SCARA3: variants seen among roughly 807,000 people sequenced by gnomAD.
The protein encoded by SCARA3 is scavenger receptor class A member 3.
SCARA3 carries 39 observed loss-of-function variants against 47.0 expected under a neutral mutation model. The ratio of observed to expected loss-of-function variants is 0.83; its 90% confidence interval spans 0.64 to 1.08. SCARA3 has a LOEUF of 1.08. SCARA3 is among the 50% of genes least tolerant of loss of function. The probability of loss-of-function intolerance (pLI) is 0.00; values close to 1 mark genes in which losing one functional copy is unlikely to be tolerated. For missense variants in SCARA3, 724 were observed against 792.3 expected, an observed-to-expected ratio of 0.91 and a Z score of 1.04; for synonymous variants, 356 against 334.1, an observed-to-expected ratio of 1.07 and a Z score of -0.71.
chr8:27,728,370 A>G, the SCARA3 span, among the ~76,000 whole-genome samples: 2 of 152,178 alleles, frequency 1.3e-5, no homozygotes, highest in Non-Finnish European at 2.9e-5. Context: ...AGAACCCACA[A>G]ATGGGTGGAA....
At chr8:27,663,701 A>G (rs1445026571) in intron 5 of SCARA3, among the ~76,000 whole-genome samples, 1 of 152,068 alleles carries the variant, frequency 6.6e-6, no homozygotes, top group Non-Finnish European at 1.5e-5. Flanking sequence ...CTGCTTCAAA[A>G]TCCTAAGGGA....
chr8:27,648,942 AAGG>A (rs1456546745), intron 1 of SCARA3, among the ~76,000 whole-genome samples: 6 of 151,494 alleles, frequency 4.0e-5, no homozygotes, highest in Admixed American at 6.6e-5. Flanking sequence ...GAGGTAAGGA[AAGG>A]AGGGAGGAAA....
chr8:27,718,100 G>C, the SCARA3 span, among the ~76,000 whole-genome samples: 1 of 152,198 alleles, frequency 6.6e-6, no homozygotes, highest in African/African-American at 2.4e-5. Context: ...TCTGTTCTCT[G>C]CCAGACTCTG....
rs185132702 is a variant in SCARA3, at chr8:27,667,450, T to G, written c.1370-3450T>G. Among the ~76,000 whole-genome samples, 6 of 152,238 alleles carry G rather than the reference T, an allele frequency of 3.9e-5. No homozygotes were observed. The East Asian group carries it at 1.2e-3, about 29-fold the overall frequency. ...CCTTCCTCCAGGCAGTGCCTAGGATTGCAGCCTCTCCCTCCTCCAGGCAGT... is the reference window on the plus strand; with the variant it reads ...CCTTCCTCCAGGCAGTGCCTAGGATGGCAGCCTCTCCCTCCTCCAGGCAGT... On this transcript the variant is annotated intron_variant, in intron 5 of 5. Transcript: ENST00000301904.
In SCARA3 at chr8:27,671,907, C is replaced by A. The variant is rs1802176212; in HGVS notation, c.*556C>A. 1 of 985,348 alleles carries A rather than the reference C, an allele frequency of 1.0e-6. No individual in the cohort carries two copies. The highest frequency in any genetic ancestry group is 6.1e-5 in the Admixed American group (1 of 16,272). The allele number at this position is 985,348 out of a possible 1,614,324, so 61.0% of individuals were successfully genotyped here. ...GGAGGAGAGGGCAGAGGAAGACCCC[C>A]TCTCCTGTGACTGAGCCTGCCAGGG... On this transcript the variant is annotated 3_prime_UTR_variant, in exon 6 of 6. Coordinates refer to ENST00000301904, the MANE Select transcript of SCARA3 (RefSeq NM_016240.3).
At chr8:27,653,267 C>T (rs1392163424) in intron 3 of SCARA3, among the ~76,000 whole-genome samples, 2 of 152,208 alleles carry the variant, frequency 1.3e-5, no homozygotes, top group Non-Finnish European at 2.9e-5. Flanking sequence ...CTGTCATGTG[C>T]ATAACATCCA....
At chr8:27,686,300 G>T in the SCARA3 span, among the ~76,000 whole-genome samples, 1 of 151,924 alleles carries the variant, frequency 6.6e-6, no homozygotes, top group African/African-American at 2.4e-5. Flanking sequence ...AATTAGCCAG[G>T]TGTGGTGGCG....
the SCARA3 span, among the ~76,000 whole-genome samples, chr8:27,720,758 A>C: frequency 2.9e-4 from 44 of 151,634 alleles, no homozygotes; most frequent in Non-Finnish European, 6.2e-4. Flanking sequence ...CCATTCATCC[A>C]CGTATTTATC....
chr8:27,717,476 A>G, the SCARA3 span, among the ~76,000 whole-genome samples: 4,778 of 152,236 alleles, frequency 0.031, 245 homozygotes, highest in African/African-American at 0.11. Flanking sequence ...TTTGAACTAT[A>G]TGATTGTATT....
chr8:27,637,342 TC>T lies in SCARA3; in HGVS notation c.7+3138del, dbSNP rs35718993. Among the ~76,000 whole-genome samples, 459 of 152,358 alleles carry T rather than the reference TC, an allele frequency of 3.0e-3. 6 individuals are homozygous for T. The highest frequency in any genetic ancestry group is 0.01 in the Middle Eastern group (3 of 294). ...TTGGTGATAGGCCCACCTTGGAGCTTCCCACTGGCTTGTCCAAGCCATTAGC... is the reference window on the plus strand; with the variant it reads ...TTGGTGATAGGCCCACCTTGGAGCTTCCACTGGCTTGTCCAAGCCATTAGC... On this transcript the variant is annotated intron_variant, in intron 1 of 5. Coordinates refer to ENST00000301904, the MANE Select transcript of SCARA3 (RefSeq NM_016240.3).
chr8:27,671,741 CATAT>C lies in SCARA3; in HGVS notation c.*393_*396del. On this transcript the variant is annotated 3_prime_UTR_variant, in exon 6 of 6. Coordinates refer to ENST00000301904, the MANE Select transcript of SCARA3 (RefSeq NM_016240.3). ...ATACACATGCACACACACATGCACA[CATAT>C]ATGCACAGGCACACACATGTACGCA... 1 of 1,023,682 alleles carries C rather than the reference CATAT, an allele frequency of 9.8e-7. No homozygotes were observed. The highest frequency in any genetic ancestry group is 1.2e-6 in the Non-Finnish European group (1 of 855,232). The allele number at this position is 1,023,682 out of a possible 1,614,324, so 63.4% of individuals were successfully genotyped here.
the SCARA3 span, among the ~76,000 whole-genome samples, chr8:27,719,710 T>C: frequency 9.2e-5 from 14 of 152,264 alleles, no homozygotes; most frequent in Admixed American, 9.2e-4. Flanking sequence ...GTAAACATCC[T>C]ATTATTTATT....
chr8:27,678,695 C>T (rs1359039997), downstream of SCARA3, among the ~76,000 whole-genome samples: 18 of 152,108 alleles, frequency 1.2e-4, no homozygotes, highest in Admixed American at 1.1e-3. Flanking sequence ...TCTAGCATTG[C>T]CCTAATAGCA....
the SCARA3 span, among the ~76,000 whole-genome samples, chr8:27,684,034 C>T: frequency 6.6e-6 from 1 of 152,096 alleles, no homozygotes; most frequent in Admixed American, 6.5e-5. Context: ...TAGTCCTTGC[C>T]TCACGTTGTG....
chr8:27,696,509 G>T, the SCARA3 span, among the ~76,000 whole-genome samples: 3 of 152,056 alleles, frequency 2.0e-5, no homozygotes, highest in African/African-American at 7.2e-5. Flanking sequence ...AGGCTGGAGT[G>T]CAGTGACAAG....
Position 27,658,687 on chromosome 8 carries a change from A to T in SCARA3, c.517A>T (p.Ser173Cys). The T allele has an allele frequency of 6.2e-7, 1 of 1,614,116 alleles. No individual in the cohort carries two copies. The highest frequency in any genetic ancestry group is 8.5e-7 in the Non-Finnish European group (1 of 1,179,980). ...TSRQISQEMG[S>C]CSFSIHQVNQ... ...CAGACAAATCTCCCAGGAGATGGGC[A>T]GTTGCTCCTTCTCCATCCACCAGGT... is the stretch of plus-strand genomic sequence containing the variant. The change falls in exon 5 of 6, where the codon AGT becomes TGT. Residue 173 changes from serine to cysteine, a missense_variant. Ser to Cys is a moderately radical substitution (Grantham distance 112). Transcript: ENST00000301904.
chr8:27,691,304 A>G, the SCARA3 span, among the ~76,000 whole-genome samples: 1 of 152,000 alleles, frequency 6.6e-6, no homozygotes, highest in Non-Finnish European at 1.5e-5. Context: ...TCTGGACCCC[A>G]CCCCAACCCC....
the SCARA3 span, among the ~76,000 whole-genome samples, chr8:27,682,416 A>T: frequency 1.3e-5 from 2 of 152,172 alleles, no homozygotes; most frequent in Admixed American, 1.3e-4. Flanking sequence ...GATAAGCTGG[A>T]TTTTATCCAA....
At position 27,671,605 on chromosome 8, in the gene SCARA3, TACAC is replaced by T. The variant is rs1368086523; in HGVS notation, c.*256_*259del. 4 of 1,216,894 alleles carry T rather than the reference TACAC, an allele frequency of 3.3e-6. No individual in the cohort carries two copies. The highest frequency in any genetic ancestry group is 1.6e-5 in the African/African-American group (1 of 62,698). 75.4% of individuals were successfully genotyped at this position (1,216,894 alleles called of 1,614,324 possible). ...GCACACATACACGCACATGCACACA[TACAC>T]ATGCATGCACACATACACAGGCATA... On this transcript the variant is annotated 3_prime_UTR_variant, in exon 6 of 6. Coordinates refer to ENST00000301904, the MANE Select transcript of SCARA3 (RefSeq NM_016240.3).
Sources: gnomAD v4.1 joint callset for allele counts (sites outside exome capture counted in the v4.1 genomes callset) on GRCh38, gnomAD v4.1.1 for gene constraint, MANE v1.5 for transcripts, NCBI Gene and HGNC (gene_info 2026-07-23, HGNC 2026-07-21) for gene names.